Variants in ACACA observed in about 807,000 individuals in gnomAD.
The protein encoded by ACACA is acetyl-CoA carboxylase alpha, also known as acetyl-CoA carboxylase 1.
In ACACA, 103 loss-of-function variants were observed where a neutral mutation model predicts 296.1. The ratio of observed to expected loss-of-function variants is 0.35; its 90% CI spans 0.30 to 0.41. ACACA has a LOEUF of 0.41. Ranked by LOEUF, ACACA falls within the 10% of genes least tolerant of loss-of-function variation. The probability of loss-of-function intolerance (pLI) is 1.00; values close to 1 mark genes in which losing one functional copy is unlikely to be tolerated. For missense variants in ACACA, 1,554 were observed against 2,989.7 expected (o/e 0.52, Z 11.20); for synonymous variants, 953 against 1,038.6 (o/e 0.92, Z 1.58).
intron 29 of ACACA, among the ~76,000 whole-genome samples, chr17:37,216,924 TCA>T (rs2079025477): frequency 1.3e-5 from 2 of 151,866 alleles, no homozygotes; most frequent in East Asian, 1.9e-4. Flanking sequence ...GGAGGCTAAA[TCA>T]CAGTCAAAAA....
chr17:37,351,849 A>C (rs1597681630), intron 1 of ACACA, among the ~76,000 whole-genome samples: 1 of 148,946 alleles, frequency 6.7e-6, no homozygotes, highest in Admixed American at 6.7e-5. Flanking sequence ...CACCGTGCCC[A>C]GCCTCTTCTA....
chr17:37,119,177 GTTTTCAGGCCCCCCT>G (rs2074399645), intron 50 of ACACA, among the ~76,000 whole-genome samples: 3 of 152,130 alleles, frequency 2.0e-5, no homozygotes, highest in Non-Finnish European at 4.4e-5. Context: ...TGAATGAGGG[GTTTTCAGGCCCCCCT>G]TCCCTTTGAT....
chr17:37,389,513 G>A (rs1437383233), intron 1 of ACACA: 12 of 771,886 alleles, frequency 1.6e-5, no homozygotes, highest in Middle Eastern at 6.5e-4. Flanking sequence ...CCAACATGAC[G>A]AAACCCTGTC....
chr17:37,370,077 C>T (rs531276865), intron 1 of ACACA, among the ~76,000 whole-genome samples: 1 of 150,074 alleles, frequency 6.7e-6, no homozygotes, highest in Non-Finnish European at 1.5e-5. Context: ...GGCCCAATCT[C>T]GGCTCTGCAA....
intron 49 of ACACA, 62 bp from the exon 50 acceptor site, chr17:37,121,552 A>G (rs948020547): frequency 9.4e-6 from 15 of 1,600,556 alleles, no homozygotes; most frequent in Admixed American, 1.7e-5. Context: ...AATCTCTCCA[A>G]GGTGAACAAG....
intron 29 of ACACA, among the ~76,000 whole-genome samples, chr17:37,215,378 T>C (rs1319754395): frequency 6.6e-6 from 1 of 152,184 alleles, no homozygotes; most frequent in African/African-American, 2.4e-5. Flanking sequence ...CTTATTTGAA[T>C]CACAGAGTAA....
At chr17:37,245,877 T>C (rs2080673344) in intron 19 of ACACA, among the ~76,000 whole-genome samples, 1 of 152,200 alleles carries the variant, frequency 6.6e-6, no homozygotes, top group Non-Finnish European at 1.5e-5. Flanking sequence ...AGATCCTTCA[T>C]AACCTCACAT....
At chr17:37,118,135 T>C (rs1414333725) in intron 50 of ACACA, among the ~76,000 whole-genome samples, 1 of 152,210 alleles carries the variant, frequency 6.6e-6, no homozygotes, top group African/African-American at 2.4e-5. Flanking sequence ...CAGGGATCTC[T>C]ATCTTCCCTA....
chr17:37,265,563 T>C (rs2081725588), intron 10 of ACACA, among the ~76,000 whole-genome samples: 1 of 152,074 alleles, frequency 6.6e-6, no homozygotes, highest in Admixed American at 6.6e-5. Flanking sequence ...TTTATGATGA[T>C]ATTGGGAGGG....
intron 35 of ACACA, among the ~76,000 whole-genome samples, chr17:37,199,120 A>AAT (rs2078132223): frequency 6.6e-6 from 1 of 152,126 alleles, no homozygotes; most frequent in Admixed American, 6.6e-5. Flanking sequence ...CATGCCTGCA[A>AAT]TCCCAGCTAC....
intron 3 of ACACA, among the ~76,000 whole-genome samples, chr17:37,329,592 G>A (rs2047769690): frequency 6.7e-6 from 1 of 148,822 alleles, no homozygotes; most frequent in Non-Finnish European, 1.5e-5. Flanking sequence ...AGTGAGCTGA[G>A]ATTGTACCAC....
At chr17:37,149,735 A>G in intron 45 of ACACA, 129 bp downstream of exon 45, 1 of 770,576 alleles carries the variant, frequency 1.3e-6, no homozygotes, top group South Asian at 1.5e-5. Flanking sequence ...AGATGGAGGG[A>G]GAGGGGAAGA....
intron 1 of ACACA, among the ~76,000 whole-genome samples, chr17:37,344,413 C>T (rs1282753852): frequency 6.6e-6 from 1 of 151,904 alleles, no homozygotes; most frequent in Non-Finnish European, 1.5e-5. Flanking sequence ...CAAAAATTAG[C>T]GGGGCGTGGT....
intron 1 of ACACA, among the ~76,000 whole-genome samples, chr17:37,383,283 A>G (rs1418719017): frequency 6.6e-6 from 1 of 152,154 alleles, no homozygotes; most frequent in Non-Finnish European, 1.5e-5. Context: ...GGACAAGGAA[A>G]ACTGAGGGGT....
At chr17:37,161,703 T>C (rs2076468111) in intron 42 of ACACA, 78 bp downstream of exon 42, 3 of 1,554,416 alleles carry the variant, frequency 1.9e-6, no homozygotes, top group Admixed American at 3.4e-5. Context: ...AACTTAAACC[T>C]CTACCCTTCC....
chr17:37,329,058 A>T, intron 3 of ACACA: 2 of 398,070 alleles, frequency 5.0e-6, no homozygotes, highest in Non-Finnish European at 8.9e-6. Context: ...AAATAAAAAC[A>T]ATCTAGTGTT....
Position 37,281,059 on chromosome 17 carries a change from T to TC in ACACA, c.610+2207_610+2208insG, listed in dbSNP as rs1247091793. On this transcript the variant is annotated intron_variant, in intron 5 of 55. Coordinates refer to ENST00000616317, the MANE Select transcript of ACACA (RefSeq NM_198834.3). ...TCTTTCAGAAAGCTGTCTTTCTCTC[T>TC]TTTTTTTTTTTTTTTCATTGAGACT... Among the ~76,000 whole-genome samples the TC allele has an allele frequency of 2.6e-4, 19 of 73,836 alleles. No homozygotes were observed. In the East Asian group the frequency reaches 2.7e-3, roughly 10 times the overall value. 48.4% of individuals were successfully genotyped at this position (73,836 alleles called of 152,430 possible). A position where few individuals can be genotyped will look rare whatever the true frequency, so the allele number is the denominator to read the frequency against.
At position 37,330,388 on chromosome 17, in the gene ACACA, T is replaced by C. The variant is rs2047820708; in HGVS notation, c.123A>G (p.Pro41=). The C allele has an allele frequency of 1.2e-6, 2 of 1,614,084 alleles. No homozygotes were observed. Among genetic ancestry groups the C allele is most frequent in the South Asian group, 1.1e-5 (1 of 91,094 alleles). The stretch of plus-strand genomic sequence containing the variant: ...GCTCCAGAGGTTGGGCCAAGGGAGA[T>C]GGTTCATCCATTATTCCTCCAAAAT... ...RAHFGGIMDE[P]SPLAQPLELN... is the part of the protein sequence containing the mutation. Residue 41 remains proline, a synonymous_variant, in exon 3 of 56, where the codon CCA becomes CCG. Transcript: ENST00000616317.
chr17:37,110,949 C>A (rs184326806), intron 52 of ACACA, among the ~76,000 whole-genome samples: 3 of 152,258 alleles, frequency 2.0e-5, no homozygotes, highest in Admixed American at 1.3e-4. Flanking sequence ...GTTCAAATTG[C>A]CAAGTGGCTT....
Sources: gnomAD v4.1 joint callset for allele counts (sites outside exome capture counted in the v4.1 genomes callset) on GRCh38, gnomAD v4.1.1 for gene constraint, MANE v1.5 for transcripts, NCBI Gene and HGNC (gene_info 2026-07-23, HGNC 2026-07-21) for gene names.